Variants in MMP25 observed in about 807,000 individuals in gnomAD.
The protein encoded by MMP25 is matrix metalloproteinase-25.
MMP25 carries 68 observed loss-of-function variants against 62.1 expected under a neutral mutation model. The ratio of observed to expected loss-of-function variants is 1.10; its 90% CI spans 0.90 to 1.34. MMP25 has a LOEUF of 1.34. MMP25 is among the 40% of genes most tolerant of loss of function. The pLI is 0.00. For missense variants in MMP25, 942 were observed against 792.5 expected (o/e 1.19, Z -2.26); for synonymous variants, 407 against 345.6 (o/e 1.18, Z -1.97).
At chr16:3,049,570 CG>C (rs1322512336) in intron 2 of MMP25, among the ~76,000 whole-genome samples, 6 of 152,310 alleles carry the variant, frequency 3.9e-5, no homozygotes, top group Non-Finnish European at 7.4e-5. Flanking sequence ...GAGACCCAGC[CG>C]GCCTGGGCAC....
intron 2 of MMP25, among the ~76,000 whole-genome samples, chr16:3,048,767 T>C (rs2151152605): frequency 6.6e-6 from 1 of 151,820 alleles, no homozygotes; most frequent in African/African-American, 2.4e-5. Flanking sequence ...CTAAGTGTTC[T>C]CAGAAGGGAA....
At chr16:3,056,299 C>T (rs1224843742) in intron 4 of MMP25, 2 of 217,602 alleles carry the variant, frequency 9.2e-6, no homozygotes, top group South Asian at 5.7e-5. Flanking sequence ...AGGGGATGCT[C>T]CCAGGGCTGG....
intron 5 of MMP25, 25 bp downstream of exon 5, chr16:3,057,234 A>G: frequency 6.2e-7 from 1 of 1,613,766 alleles, no homozygotes; most frequent in South Asian, 1.1e-5. Context: ...ACCTGCCGCG[A>G]AACCATCATT....
chr16:3,058,344 C>A lies in MMP25; in HGVS notation c.1159+11C>A. On this transcript the variant is annotated intron_variant, in intron 8 of 9. Transcript: ENST00000336577. The stretch of plus-strand genomic sequence containing the variant: ...TCCTCCTCTTTAGCGGTGAGTGGGG[C>A]CGGCGGCGGGGCGCGCTGGGGCCGG... 6.5e-7 allele frequency: 1 copy of A among 1,534,374 alleles called. No individual in the cohort carries two copies. The highest frequency in any genetic ancestry group is 8.7e-7 in the Non-Finnish European group (1 of 1,143,006).
intron 9 of MMP25, 55 bp from the exon 10 acceptor site, chr16:3,058,772 G>A: frequency 4.7e-6 from 7 of 1,503,416 alleles, no homozygotes; most frequent in Non-Finnish European, 6.2e-6. Context: ...GGGTCCTTGG[G>A]CATCAGGGAG....
intron 2 of MMP25, 23 bp from the exon 3 acceptor site, chr16:3,049,986 C>T: frequency 6.2e-7 from 1 of 1,606,320 alleles, no homozygotes; most frequent in East Asian, 2.2e-5. Flanking sequence ...GACACACCCC[C>T]CACCGCCAAA....
intron 2 of MMP25, 131 bp from the exon 3 acceptor site, chr16:3,049,878 G>T: frequency 7.4e-7 from 1 of 1,352,424 alleles, no homozygotes; most frequent in South Asian, 1.2e-5. Flanking sequence ...CCTGGGCTGT[G>T]GGGCCTTCGA....
At chr16:3,048,643 C>G (rs556360523) in intron 2 of MMP25, among the ~76,000 whole-genome samples, 2 of 152,024 alleles carry the variant, frequency 1.3e-5, no homozygotes, top group African/African-American at 4.8e-5. Flanking sequence ...CCCCACGGCA[C>G]GCAGAAGCTT....
In MMP25 at chr16:3,058,668, A is replaced by T; in HGVS notation, c.1416A>T (p.Ala472=). The T allele has an allele frequency of 6.3e-7, 1 of 1,595,006 alleles. No homozygotes were observed. The highest frequency in any genetic ancestry group is 8.5e-7 in the Non-Finnish European group (1 of 1,170,048). The change falls in exon 9 of 10, where the codon GCA becomes GCT. Residue 472 remains alanine (A), a splice_region_variant and synonymous_variant. Coordinates refer to ENST00000336577, the MANE Select transcript of MMP25 (RefSeq NM_022468.5). ...CTGACGATGTCACCGTCAGCAACGC[A>T]GGTGGGGAGCGCGGTGACCTGCGGG... The part of the protein sequence containing the change: ...PSPDDVTVSN[A]GDTYFFKGAH...
rs369222076 is a variant in MMP25 at position 3,058,499 on chromosome 16, T to C, written c.1247T>C (p.Val416Ala). The change falls in exon 9 of 10, where the codon GTG becomes GCG. Residue 416 changes from valine to alanine, a missense_variant. Coordinates refer to ENST00000336577, the MANE Select transcript of MMP25 (RefSeq NM_022468.5). ...CTGGGGCTGCCCCCGGGAGAGGAGG[T>C]GGACGCCGTGTTCTCGTGGCCACAG... ...TELGLPPGEE[V>A]DAVFSWPQNG... 2.3e-5 allele frequency: 37 copies of C among 1,606,798 alleles called. No individual in the cohort carries two copies. Among genetic ancestry groups the C allele is most frequent in the Non-Finnish European group, 2.8e-5 (33 of 1,178,098 alleles).
chr16:3,047,333 C>T (rs1955834784), intron 1 of MMP25, 82 bp from the exon 2 acceptor site: 2 of 1,528,004 alleles, frequency 1.3e-6, no homozygotes, highest in Admixed American at 4.0e-5. Context: ...CTGGGAGGGG[C>T]AGGGCTGCCA....
rs980793559 is a variant in MMP25 at position 3,059,063 on chromosome 16, T to A, written c.1654T>A (p.Leu552Met). 1.9e-6 allele frequency: 3 copies of A among 1,550,150 alleles called. No homozygotes were observed. In the South Asian group the frequency reaches 3.6e-5, roughly 18 times the overall value. The stretch of plus-strand genomic sequence containing the variant: ...GCCTGCTCCCATCCCGCTGCTCCTC[T>A]TGCCCCTGCTGGTGGGGGGTGTAGC... ...RWPAPIPLLLLPLLVGGVASR is the reference protein window; with the variant it reads ...RWPAPIPLLLMPLLVGGVASR Residue 552 changes from leucine (L) to methionine (M), a missense_variant, in exon 10 of 10, where the codon TTG becomes ATG. Leu to Met is a conservative substitution (Grantham distance 15, BLOSUM62 2). Coordinates refer to ENST00000336577, the MANE Select transcript of MMP25 (RefSeq NM_022468.5).
In MMP25 at chr16:3,058,246, C is replaced by A. The variant is rs1265981319; in HGVS notation, c.1072C>A (p.Arg358Ser). Residue 358 changes from arginine (R) to serine (S), a missense_variant, in exon 8 of 10, where the codon CGC becomes AGC. By Grantham distance (110) the Arg-to-Ser change is moderately radical. Transcript: ENST00000336577. Reference sequence around the variant, plus strand: ...GTCCCCGCGACCCGCACGGCTGCACCGCTTCTGGGAGGGGCTGCCCGCCCA... The same window carrying A: ...GTCCCCGCGACCCGCACGGCTGCACAGCTTCTGGGAGGGGCTGCCCGCCCA... Reference protein sequence around the residue: ...LVSPRPARLHRFWEGLPAQVR... With the variant: ...LVSPRPARLHSFWEGLPAQVR... The A allele has an allele frequency of 6.2e-7, 1 of 1,612,128 alleles. No homozygotes were observed. The highest frequency in any genetic ancestry group is 8.5e-7 in the Non-Finnish European group (1 of 1,179,398).
Position 3,058,396 on chromosome 16 carries a change from G to A in MMP25, c.1160-16G>A, listed in dbSNP as rs762933465. 24 of 1,517,174 alleles carry A rather than the reference G, an allele frequency of 1.6e-5. No homozygotes were observed. Among genetic ancestry groups the A allele is most frequent in the Non-Finnish European group, 1.9e-5 (22 of 1,132,654 alleles). The allele number at this position is 1,517,174 out of a possible 1,614,324, so 94.0% of individuals were successfully genotyped here. A position where few individuals can be genotyped will look rare whatever the true frequency, so the allele number is the denominator to read the frequency against. ...GCGGGGAGCCCACCCCTGACCTCCC[G>A]GCCTCCACCCTGCAGGGCCCCAGTT... On this transcript the variant is annotated splice_polypyrimidine_tract_variant and intron_variant, in intron 8 of 9. Transcript: ENST00000336577.
Position 3,057,034 on chromosome 16 carries a change from C to T in MMP25, c.663C>T (p.Asp221=), listed in dbSNP as rs141712835. ...DEETWTFGSK[D]GEGTDLFAVA... ...GCTCTCACCCACTTTCTCCTGCAGA[C>T]GGCGAGGGGACCGACCTGTTTGCCG... The change falls in exon 5 of 10, where the codon GAC becomes GAT. Residue 221 remains aspartate, a splice_region_variant and synonymous_variant. Coordinates refer to ENST00000336577, the MANE Select transcript of MMP25 (RefSeq NM_022468.5). 88 of 1,565,832 alleles carry T rather than the reference C, an allele frequency of 5.6e-5. No individual in the cohort carries two copies. The Middle Eastern group carries it at 1.0e-3, about 18-fold the overall frequency.
rs781775681 is a variant in MMP25 at position 3,047,484 on chromosome 16, A to G, written c.169A>G (p.Lys57Glu). ...PAQAQLQSPE[K>E]LRDAIKVMQR... ...CCAGGCCCAGCTGCAGAGCCCTGAG[A>G]AGTTGCGCGATGCCATCAAAGTCAT... Residue 57 changes from lysine to glutamate, a missense_variant, in exon 2 of 10, where the codon AAG becomes GAG. Lys to Glu is a moderately conservative substitution (Grantham distance 56). Transcript: ENST00000336577. The G allele has an allele frequency of 2.9e-5, 47 of 1,613,872 alleles. No individual in the cohort carries two copies. The highest frequency in any genetic ancestry group is 3.9e-5 in the Non-Finnish European group (46 of 1,179,956).
In MMP25 at chr16:3,046,994, C is replaced by T. The variant is rs1053215937; in HGVS notation, c.77C>T (p.Ala26Val). 1 of 1,471,560 alleles carries T rather than the reference C, an allele frequency of 6.8e-7. No homozygotes were observed. The highest frequency in any genetic ancestry group is 8.9e-7 in the Non-Finnish European group (1 of 1,119,472). The allele number at this position is 1,471,560 out of a possible 1,614,324, so 91.2% of individuals were successfully genotyped here. The change falls in exon 1 of 10, where the codon GCG (alanine) becomes GTG (valine). Residue 26 changes from alanine to valine, a missense_variant. Transcript: ENST00000336577. The stretch of plus-strand genomic sequence containing the variant: ...CCCGCGCGCGCCCCGAAGCCCTCGG[C>T]GCAGGACGTGAGCCTGGGCGTGGTG... ...APPARAPKPSAQDVSLGVDWL... is the reference protein window; with the variant it reads ...APPARAPKPSVQDVSLGVDWL...
chr16:3,056,937 C>A, intron 4 of MMP25, 96 bp from the exon 5 acceptor site: 2 of 1,353,522 alleles, frequency 1.5e-6, no homozygotes, highest in Non-Finnish European at 2.0e-6. Context: ...GGGTGTCCTG[C>A]TGTTCCTGTT....
Position 3,060,568 on chromosome 16 carries a change from C to T in MMP25, c.*1470C>T, listed in dbSNP as rs559714941. ...TCATACAAACAGATCAGCATGAGGA[C>T]AGAAGGCAGGAGACTTTGGTCAGTT... On this transcript the variant is annotated 3_prime_UTR_variant, in exon 10 of 10. Coordinates refer to ENST00000336577, the MANE Select transcript of MMP25 (RefSeq NM_022468.5). 6.6e-6 allele frequency: 1 copy of T among 152,286 alleles called. No individual in the cohort carries two copies. Among genetic ancestry groups the T allele is most frequent in the East Asian group, 1.9e-4 (1 of 5,186 alleles). The allele number at this position is 152,286 out of a possible 1,614,324, so 9.4% of individuals were successfully genotyped here.
Sources: allele counts gnomAD v4.1 joint callset (sites outside exome capture counted in the v4.1 genomes callset), GRCh38; gene constraint gnomAD v4.1.1; transcripts MANE v1.5; gene names NCBI Gene and HGNC (gene_info 2026-07-23, HGNC 2026-07-21).